ABLIM1: variants seen among roughly 807,000 people sequenced by gnomAD.
ABLIM1 encodes actin binding LIM protein 1.
A neutral mutation model predicts 107.0 loss-of-function variants in ABLIM1; 40 were observed. The observed-to-expected ratio is 0.37, with a 90% CI of 0.29 to 0.49. ABLIM1 has a LOEUF of 0.49. ABLIM1 is among the 20% of genes least tolerant of loss of function. The pLI is 0.97. For synonymous variants in ABLIM1, 357 were observed against 357.3 expected, an observed-to-expected ratio of 1.00 and a Z score of 0.01; for missense variants, 857 against 1,008.5, an observed-to-expected ratio of 0.85 and a Z score of 2.04.
intron 1 of ABLIM1, among the ~76,000 whole-genome samples, chr10:114,724,239 T>G (rs1232321611): frequency 1.3e-5 from 2 of 152,202 alleles, no homozygotes; most frequent in Non-Finnish European, 1.5e-5. Context: ...TGCCACTTAC[T>G]AGGTGTTGGT....
upstream of ABLIM1, among the ~76,000 whole-genome samples, chr10:114,769,431 GAAAGAAAGAA>G (rs2082987114): frequency 1.1e-4 from 2 of 17,712 alleles, no homozygotes; most frequent in African/African-American, 4.2e-4. Context: ...AGGAAAGAAA[GAAAGAAAGAA>G]AGAAAGAAAG....
At chr10:114,757,560 G>A (rs993430589) in intron 1 of ABLIM1, among the ~76,000 whole-genome samples, 27 of 152,180 alleles carry the variant, frequency 1.8e-4, no homozygotes, top group African/African-American at 6.0e-4. Context: ...TCTACTTCAT[G>A]TTGCCAACTC....
intron 1 of ABLIM1, among the ~76,000 whole-genome samples, chr10:114,749,641 A>G (rs2082468293): frequency 6.6e-6 from 1 of 152,228 alleles, no homozygotes; most frequent in African/African-American, 2.4e-5. Flanking sequence ...TTGTCGTTTC[A>G]CTCAGTAAAA....
At chr10:114,588,415 T>G (rs1210708978) in intron 2 of ABLIM1, among the ~76,000 whole-genome samples, 1 of 151,914 alleles carries the variant, frequency 6.6e-6, no homozygotes, top group Non-Finnish European at 1.5e-5. Context: ...AAGGCCATGA[T>G]CAGAGAACCT....
intron 4 of ABLIM1, 126 bp downstream of exon 4, chr10:114,571,171 T>C (rs984819514): frequency 6.6e-6 from 5 of 753,460 alleles, no homozygotes; most frequent in Non-Finnish European, 1.1e-5. Flanking sequence ...TTTGGAGAAA[T>C]ATCTATTCAA....
At chr10:114,769,534 AAGG>A (rs1207139554), upstream of ABLIM1, among the ~76,000 whole-genome samples, 4 of 144,776 alleles carry the variant, frequency 2.8e-5, no homozygotes, top group African/African-American at 1.0e-4. Context: ...GGAGAAAAGA[AAGG>A]AAGGAAGGAA....
At chr10:114,797,202 T>C in the ABLIM1 span, among the ~76,000 whole-genome samples, 1 of 152,236 alleles carries the variant, frequency 6.6e-6, no homozygotes, top group Non-Finnish European at 1.5e-5. Flanking sequence ...AACTCCCTCC[T>C]GTTTTCATTT....
At chr10:114,492,816 T>A (rs895457617) in intron 6 of ABLIM1, among the ~76,000 whole-genome samples, 1 of 152,228 alleles carries the variant, frequency 6.6e-6, no homozygotes. Flanking sequence ...AGAACCTGCA[T>A]GAAACTGCAA....
chr10:114,711,967 G>A (rs1230159126), intron 1 of ABLIM1, among the ~76,000 whole-genome samples: 2 of 152,144 alleles, frequency 1.3e-5, no homozygotes, highest in African/African-American at 4.8e-5. Context: ...CAGGGCAAAG[G>A]GTGGAGAATG....
chr10:114,586,413 G>A (rs749762075), intron 2 of ABLIM1, among the ~76,000 whole-genome samples: 7 of 152,174 alleles, frequency 4.6e-5, no homozygotes, highest in Admixed American at 1.3e-4. Flanking sequence ...GGATCACAGG[G>A]TAACAACAGG....
intron 8 of ABLIM1, among the ~76,000 whole-genome samples, chr10:114,476,646 AAATAATAATAATAAT>A (rs141618382): frequency 3.5e-5 from 5 of 143,284 alleles, no homozygotes; most frequent in Admixed American, 7.0e-5. Context: ...CTCTGCCTCA[AAATAATAATAATAAT>A]AATAATAATA....
At chr10:114,749,440 A>AC (rs1591936860) in intron 1 of ABLIM1, among the ~76,000 whole-genome samples, 2 of 127,216 alleles carry the variant, frequency 1.6e-5, no homozygotes, top group East Asian at 2.1e-4. Flanking sequence ...AAATTAAAAC[A>AC]ACACACACAC....
At chr10:114,796,854 A>G in the ABLIM1 span, among the ~76,000 whole-genome samples, 1 of 152,160 alleles carries the variant, frequency 6.6e-6, no homozygotes, top group Non-Finnish European at 1.5e-5. Context: ...CTTCTGGGCC[A>G]TGGGACAGTT....
At chr10:114,600,251 T>C (rs550892953) in intron 2 of ABLIM1, among the ~76,000 whole-genome samples, 1 of 152,254 alleles carries the variant, frequency 6.6e-6, no homozygotes, top group East Asian at 1.9e-4. Context: ...CTCATGGCCA[T>C]CTTGGGTTGG....
chr10:114,665,084 T>A (rs1291579307), intron 1 of ABLIM1, among the ~76,000 whole-genome samples: 2 of 149,392 alleles, frequency 1.3e-5, no homozygotes, highest in African/African-American at 5.0e-5. Context: ...GCCACTGCAC[T>A]CCGGCCTCGG....
intron 1 of ABLIM1, chr10:114,632,398 A>T (rs1400788325): frequency 1.4e-5 from 14 of 985,276 alleles, no homozygotes. Flanking sequence ...AAAACTAGTC[A>T]ATGGTTAGCT....
At chr10:114,632,742 C>G in intron 1 of ABLIM1, 1 of 985,386 alleles carries the variant, frequency 1.0e-6, no homozygotes, top group Non-Finnish European at 1.2e-6. Context: ...CTTCCCCCTT[C>G]TCCCTCTGTT....
At chr10:114,653,796 G>T (rs1031556860) in intron 1 of ABLIM1, among the ~76,000 whole-genome samples, 2 of 152,116 alleles carry the variant, frequency 1.3e-5, no homozygotes, top group African/African-American at 4.8e-5. Flanking sequence ...AAGCTATTTT[G>T]TATGTTCACT....
chr10:114,490,405 C>G (rs1196201370), intron 7 of ABLIM1, among the ~76,000 whole-genome samples: 1 of 152,116 alleles, frequency 6.6e-6, no homozygotes, highest in Non-Finnish European at 1.5e-5. Context: ...ACTCAAGAAT[C>G]CTTTCTGTAG....
Sources: gnomAD v4.1 joint callset for allele counts (sites outside exome capture counted in the v4.1 genomes callset) on GRCh38, gnomAD v4.1.1 for gene constraint, MANE v1.5 for transcripts, NCBI Gene and HGNC (gene_info 2026-07-23, HGNC 2026-07-21) for gene names.